Variants in UBE2D2 observed in about 807,000 individuals in gnomAD.
UBE2D2 encodes the protein ubiquitin-conjugating enzyme E2 D2.
Under a neutral mutation model 24.2 loss-of-function variants are expected in UBE2D2, and 2 were observed. The ratio of observed to expected loss-of-function variants is 0.08; its 90% CI spans 0.03 to 0.26. The LOEUF is 0.26. Ranked by LOEUF, UBE2D2 falls within the 10% of genes least tolerant of loss-of-function variation. The probability of loss-of-function intolerance (pLI) is 1.00; values close to 1 mark genes in which losing one functional copy is unlikely to be tolerated. For synonymous variants in UBE2D2, 58 were observed against 56.5 expected (o/e 1.03, Z -0.12); for missense variants, 44 against 177.6 (o/e 0.25, Z 4.28).
At chr5:139,618,291 A>T (rs1754456044) in intron 5 of UBE2D2, among the ~76,000 whole-genome samples, 1 of 152,216 alleles carries the variant, frequency 6.6e-6, no homozygotes, top group South Asian at 2.1e-4. Flanking sequence ...AATTTTTTAA[A>T]GCAAACAAAA....
intron 5 of UBE2D2, among the ~76,000 whole-genome samples, chr5:139,620,163 C>T (rs886879529): frequency 3.9e-5 from 6 of 152,162 alleles, no homozygotes; most frequent in African/African-American, 1.2e-4. Context: ...CCACCTCCAA[C>T]GTTGGGGATT....
chr5:139,570,816 G>A (rs1040547308), intron 1 of UBE2D2, among the ~76,000 whole-genome samples: 1 of 151,576 alleles, frequency 6.6e-6, no homozygotes. Flanking sequence ...GCCTCCCAAA[G>A]TGTTGGGATT....
intron 6 of UBE2D2, among the ~76,000 whole-genome samples, chr5:139,626,398 T>G (rs1444709890): frequency 6.6e-6 from 1 of 152,204 alleles, no homozygotes; most frequent in African/African-American, 2.4e-5. Context: ...TATTAGTATA[T>G]GAGTTCAAGA....
intron 1 of UBE2D2, among the ~76,000 whole-genome samples, chr5:139,597,273 A>G (rs932027028): frequency 6.6e-6 from 1 of 152,064 alleles, no homozygotes; most frequent in Non-Finnish European, 1.5e-5. Flanking sequence ...TTCTGTCACT[A>G]TAGTTTTGCC....
chr5:139,623,570 CTAA>C (rs1581536246), intron 6 of UBE2D2, 109 bp downstream of exon 6: 1 of 752,850 alleles, frequency 1.3e-6, no homozygotes, highest in African/African-American at 1.7e-5. Flanking sequence ...AAGTGAAGTC[CTAA>C]TATACTCTCC....
Position 139,614,899 on chromosome 5 carries a change from C to T in UBE2D2, c.237C>T (p.Asn79=), listed in dbSNP as rs1244669815. 2.5e-6 allele frequency: 4 copies of T among 1,613,770 alleles called. No homozygotes were observed. In the African/African-American group the frequency reaches 5.3e-5, roughly 22 times the overall value. Residue 79 remains asparagine, a synonymous_variant, in exon 5 of 7, where the codon AAC becomes AAT. Coordinates refer to ENST00000398733, the MANE Select transcript of UBE2D2 (RefSeq NM_003339.3). ...FTTRIYHPNI[N]SNGSICLDIL... ...CAAGAATTTATCATCCAAATATTAACAGTAATGGCAGCATTTGTCTTGATA... is the reference window on the plus strand; with the variant it reads ...CAAGAATTTATCATCCAAATATTAATAGTAATGGCAGCATTTGTCTTGATA...
chr5:139,577,682 G>A (rs975888898), intron 1 of UBE2D2, among the ~76,000 whole-genome samples: 2 of 152,118 alleles, frequency 1.3e-5, no homozygotes, highest in South Asian at 2.1e-4. Flanking sequence ...CCAAAGTGCT[G>A]GGATTACAGG....
intron 2 of UBE2D2, among the ~76,000 whole-genome samples, chr5:139,602,861 A>G (rs1374529393): frequency 2.6e-5 from 4 of 152,200 alleles, no homozygotes; most frequent in Admixed American, 2.6e-4. Context: ...ATTCTGACTT[A>G]CCTAGCGTGA....
At chr5:139,531,625 C>CAGAAAAAAA (rs1752597827) in intron 1 of UBE2D2, among the ~76,000 whole-genome samples, 1 of 97,354 alleles carries the variant, frequency 1.0e-5, no homozygotes, top group Admixed American at 1.1e-4. Flanking sequence ...AGACCCTATC[C>CAGAAAAAAA]AAAAAAAAAA....
chr5:139,578,434 T>TTTTG (rs1185126121), intron 1 of UBE2D2, among the ~76,000 whole-genome samples: 3 of 144,970 alleles, frequency 2.1e-5, no homozygotes, highest in Admixed American at 7.1e-5. Context: ...GTTTTGTGTT[T>TTTTG]TGTGTGTGTG....
intron 1 of UBE2D2, among the ~76,000 whole-genome samples, chr5:139,547,053 G>C (rs963433059): frequency 6.6e-6 from 1 of 151,762 alleles, no homozygotes; most frequent in African/African-American, 2.4e-5. Flanking sequence ...CATTTTGGGA[G>C]GCTGATACGG....
intron 1 of UBE2D2, among the ~76,000 whole-genome samples, chr5:139,537,808 C>CA (rs765167450): frequency 1.3e-5 from 2 of 151,542 alleles, no homozygotes; most frequent in Admixed American, 6.6e-5. Flanking sequence ...ACTAAAAATA[C>CA]AAAAAATTAG....
chr5:139,539,694 C>T (rs533474459), intron 1 of UBE2D2, among the ~76,000 whole-genome samples: 1 of 151,882 alleles, frequency 6.6e-6, no homozygotes, highest in African/African-American at 2.4e-5. Context: ...CGGGTTCAAG[C>T]GATTCTCCTG....
chr5:139,554,681 C>G (rs1467482766), intron 1 of UBE2D2, among the ~76,000 whole-genome samples: 1 of 152,134 alleles, frequency 6.6e-6, no homozygotes, highest in Non-Finnish European at 1.5e-5. Flanking sequence ...ATTTTTCTTG[C>G]ATACCAAAGA....
intron 6 of UBE2D2, among the ~76,000 whole-genome samples, chr5:139,624,570 A>G (rs937763028): frequency 8.5e-5 from 13 of 152,344 alleles, no homozygotes; most frequent in Admixed American, 8.5e-4. Context: ...GGCAGATCAC[A>G]AGGTCAGGAG....
At chr5:139,551,387 C>T (rs367726846) in intron 1 of UBE2D2, among the ~76,000 whole-genome samples, 1 of 152,154 alleles carries the variant, frequency 6.6e-6, no homozygotes, top group East Asian at 1.9e-4. Context: ...GAGAACTCCA[C>T]ACTTGCACAA....
intron 1 of UBE2D2, among the ~76,000 whole-genome samples, chr5:139,551,478 T>C (rs1166815550): frequency 6.6e-6 from 1 of 152,234 alleles, no homozygotes; most frequent in African/African-American, 2.4e-5. Flanking sequence ...GTGTAGACTG[T>C]AGTTCTGTGA....
rs1048715245 is a variant in UBE2D2 at position 139,549,279 on chromosome 5, G to C, written c.-64+22667G>C. Among the ~76,000 whole-genome samples, 8 of 152,294 alleles carry C rather than the reference G, an allele frequency of 5.3e-5. No individual in the cohort carries two copies. The East Asian group carries it at 1.6e-3, about 30-fold the overall frequency. On this transcript the variant is annotated intron_variant, in intron 1 of 6. Transcript: ENST00000511725. ...GCCCTTCAGCCCGCCGCTGCACTGCGGGAGCCCCTCTCTGGGCTAGCTGAG... is the reference window on the plus strand; with the variant it reads ...GCCCTTCAGCCCGCCGCTGCACTGCCGGAGCCCCTCTCTGGGCTAGCTGAG...
rs533517647 is a variant in UBE2D2, at chr5:139,587,539, C to T, written c.25-12833C>T. On this transcript the variant is annotated intron_variant, in intron 1 of 6. Coordinates refer to ENST00000398733, the MANE Select transcript of UBE2D2 (RefSeq NM_003339.3). ...ACTAAAAATAAAAAAAATAGCCGGGCGTGGTGGCGGGCACCACCAGCAACT... is the reference window on the plus strand; with the variant it reads ...ACTAAAAATAAAAAAAATAGCCGGGTGTGGTGGCGGGCACCACCAGCAACT... 6.6e-5 allele frequency among the ~76,000 whole-genome samples: 10 copies of T among 151,804 alleles called. No homozygotes were observed. In the East Asian group the frequency reaches 1.4e-3, roughly 21 times the overall value.
Sources: allele counts gnomAD v4.1 joint callset (sites outside exome capture counted in the v4.1 genomes callset), GRCh38; gene constraint gnomAD v4.1.1; transcripts MANE v1.5; gene names NCBI Gene and HGNC (gene_info 2026-07-23, HGNC 2026-07-21).